CSMD1: variants seen among roughly 807,000 people sequenced by gnomAD.
CSMD1 encodes the protein CUB and Sushi multiple domains 1.
In CSMD1, 213 loss-of-function variants were observed where a neutral mutation model predicts 417.5. That is an observed-to-expected ratio of 0.51 (90% CI 0.46 to 0.57). CSMD1 has a LOEUF of 0.57. CSMD1 is among the 20% of genes least tolerant of loss of function. The pLI, the probability that CSMD1 is intolerant of heterozygous loss-of-function variation, is 0.00. For synonymous variants in CSMD1, 2,862 were observed against 1,736.8 expected, an observed-to-expected ratio of 1.65 and a Z score of -16.11; for missense variants, 6,923 against 4,529.7, an observed-to-expected ratio of 1.53 and a Z score of -15.17.
chr8:4,516,107 G>C (rs950474769), intron 2 of CSMD1, among the ~76,000 whole-genome samples: 1 of 152,128 alleles, frequency 6.6e-6, no homozygotes, highest in Non-Finnish European at 1.5e-5. Context: ...ACCGGGGGCT[G>C]AGTTCTTTAG....
chr8:4,977,997 G>A (rs1057361189), intron 1 of CSMD1, among the ~76,000 whole-genome samples: 1 of 152,170 alleles, frequency 6.6e-6, no homozygotes. Flanking sequence ...CCCTGTTGAT[G>A]TGTGCTTGGC....
intron 2 of CSMD1, among the ~76,000 whole-genome samples, chr8:4,527,148 A>G (rs552982092): frequency 3.9e-5 from 6 of 152,312 alleles, no homozygotes; most frequent in Non-Finnish European, 8.8e-5. Context: ...AAGTTAAGTT[A>G]CCCAATGACA....
Position 4,432,291 on chromosome 8 carries a change from G to C in CSMD1, c.303-12226C>G, listed in dbSNP as rs577730441. Reference sequence around the variant, plus strand: ...GTTTTCCAGGTGTAGGTTTTTATGAGGCAAGAGCCCAGAGACTAGGCAGCT... The same window carrying C: ...GTTTTCCAGGTGTAGGTTTTTATGACGCAAGAGCCCAGAGACTAGGCAGCT... On this transcript the variant is annotated intron_variant, in intron 2 of 69. Transcript: ENST00000635120. Among the ~76,000 whole-genome samples the C allele has an allele frequency of 3.9e-5, 6 of 152,222 alleles. No homozygotes were observed. The East Asian group carries it at 5.8e-4, about 15-fold the overall frequency.
chr8:3,185,597 C>T (rs1645479908), intron 36 of CSMD1, among the ~76,000 whole-genome samples: 1 of 152,220 alleles, frequency 6.6e-6, no homozygotes, highest in African/African-American at 2.4e-5. Context: ...AATTATTACA[C>T]ATCTGAAGCT....
chr8:4,341,466 T>G (rs922152148), intron 3 of CSMD1, among the ~76,000 whole-genome samples: 1 of 152,092 alleles, frequency 6.6e-6, no homozygotes, highest in Non-Finnish European at 1.5e-5. Flanking sequence ...GAAGCAGTAT[T>G]CTCTGTGATC....
intron 29 of CSMD1, among the ~76,000 whole-genome samples, chr8:3,217,652 T>G: frequency 6.6e-6 from 1 of 152,202 alleles, no homozygotes; most frequent in African/African-American, 2.4e-5. Flanking sequence ...TGTTTTCAAC[T>G]ATTCCTAAAC....
intron 40 of CSMD1, among the ~76,000 whole-genome samples, chr8:3,144,145 G>A (rs777778958): frequency 2.6e-5 from 4 of 152,230 alleles, no homozygotes; most frequent in Non-Finnish European, 2.9e-5. Context: ...AATCATCACC[G>A]TGCTCATAAT....
intron 3 of CSMD1, among the ~76,000 whole-genome samples, chr8:4,412,329 C>A (rs1031708306): frequency 5.9e-5 from 9 of 151,782 alleles, no homozygotes; most frequent in African/African-American, 2.2e-4. Context: ...AAAAGATTCA[C>A]CAAAATTGAA....
At position 4,594,195 on chromosome 8, in the gene CSMD1, C is replaced by CTTTTT. The variant is rs771415822; in HGVS notation, c.302+43142_302+43146dup. Among the ~76,000 whole-genome samples, 15 of 92,370 alleles carry CTTTTT rather than the reference C, an allele frequency of 1.6e-4. 1 individual carries two copies. The highest frequency in any genetic ancestry group is 3.4e-4 in the African/African-American group (8 of 23,274). The allele number at this position is 92,370 out of a possible 152,430, so 60.6% of individuals were successfully genotyped here. A position where few individuals can be genotyped will look rare whatever the true frequency, so the allele number is the denominator to read the frequency against. ...TTAACTTGATTAATTCTAAAGTGAT[C>CTTTTT]TTTTTTTTTTTTTTTTTTTTTTCTC... is the stretch of plus-strand genomic sequence containing the variant. On this transcript the variant is annotated intron_variant, in intron 2 of 69. Transcript: ENST00000635120.
intron 4 of CSMD1, among the ~76,000 whole-genome samples, chr8:4,001,258 A>C (rs188280458): frequency 3.7e-4 from 56 of 152,268 alleles, no homozygotes; most frequent in Non-Finnish European, 7.5e-4. Flanking sequence ...CCAGAAGTGA[A>C]TTTAAACCTA....
At chr8:3,334,279 G>A (rs1043019744) in intron 23 of CSMD1, among the ~76,000 whole-genome samples, 2 of 152,120 alleles carry the variant, frequency 1.3e-5, no homozygotes, top group Admixed American at 6.5e-5. Context: ...TCACCTTCAG[G>A]TTTGTTTCCA....
At chr8:3,591,378 G>C (rs76191618) in intron 8 of CSMD1, among the ~76,000 whole-genome samples, 3,152 of 152,284 alleles carry the variant, frequency 0.021, 116 homozygotes, top group African/African-American at 0.072. Context: ...CTCTTTCTAA[G>C]TGAGTAAACT....
intron 7 of CSMD1, among the ~76,000 whole-genome samples, chr8:3,697,029 T>C (rs1800591599): frequency 6.6e-6 from 1 of 152,164 alleles, no homozygotes; most frequent in African/African-American, 2.4e-5. Flanking sequence ...TGTGGTCACA[T>C]TCCTCTTCCA....
At chr8:4,767,954 G>A (rs767364196) in intron 1 of CSMD1, among the ~76,000 whole-genome samples, 4 of 152,042 alleles carry the variant, frequency 2.6e-5, no homozygotes, top group African/African-American at 9.7e-5. Flanking sequence ...CTTCGTACTC[G>A]AGGGCGTGGG....
At chr8:3,259,081 A>G (rs537683180) in intron 26 of CSMD1, among the ~76,000 whole-genome samples, 2 of 152,316 alleles carry the variant, frequency 1.3e-5, no homozygotes, top group Admixed American at 6.5e-5. Context: ...CTACTTATAT[A>G]TAAAGCAGGT....
chr8:3,411,538 A>G (rs1302606674), intron 12 of CSMD1, among the ~76,000 whole-genome samples: 2 of 151,476 alleles, frequency 1.3e-5, no homozygotes, highest in African/African-American at 2.4e-5. Flanking sequence ...GTGAGAACAT[A>G]TGATGTTTGG....
At chr8:4,306,798 C>G (rs149821066) in intron 3 of CSMD1, among the ~76,000 whole-genome samples, 262 of 151,686 alleles carry the variant, frequency 1.7e-3, no homozygotes, top group South Asian at 3.1e-3. Flanking sequence ...TTCTTCCATT[C>G]TCCATAGCAC....
At chr8:3,849,806 T>C (rs570818909) in intron 5 of CSMD1, among the ~76,000 whole-genome samples, 52 of 139,986 alleles carry the variant, frequency 3.7e-4, no homozygotes, top group African/African-American at 1.4e-3. Context: ...AGACAGAGTA[T>C]ATCTTTTTTT....
chr8:3,090,613 C>T (rs532343297), intron 48 of CSMD1, among the ~76,000 whole-genome samples: 2 of 152,116 alleles, frequency 1.3e-5, no homozygotes, highest in South Asian at 2.1e-4. Flanking sequence ...TTTGGACGCT[C>T]GTAGTCCCTA....
Sources: allele counts gnomAD v4.1 joint callset (sites outside exome capture counted in the v4.1 genomes callset), GRCh38; gene constraint gnomAD v4.1.1; transcripts MANE v1.5; gene names NCBI Gene and HGNC (gene_info 2026-07-23, HGNC 2026-07-21).